Variants in SEPSECS observed in about 807,000 individuals in gnomAD.
SEPSECS encodes O-phosphoseryl-tRNA(Sec) selenium transferase.
In SEPSECS, 42 loss-of-function variants were observed where a neutral mutation model predicts 52.1. The observed-to-expected ratio is 0.81, with a 90% CI of 0.63 to 1.04. The LOEUF (loss-of-function observed/expected upper bound fraction) is 1.04, where lower values mean the gene tolerates loss of function less well. SEPSECS is among the 50% of genes least tolerant of loss of function. The pLI is 0.00. For missense variants in SEPSECS, 590 were observed against 610.6 expected, an observed-to-expected ratio of 0.97 and a Z score of 0.36; for synonymous variants, 216 against 211.4, an observed-to-expected ratio of 1.02 and a Z score of -0.19.
At chr4:25,152,911 CAAGTA>C (rs1464732680) in intron 5 of SEPSECS, among the ~76,000 whole-genome samples, 7 of 151,918 alleles carry the variant, frequency 4.6e-5, no homozygotes, top group African/African-American at 1.7e-4. Flanking sequence ...CATTTTTATA[CAAGTA>C]AAGTCCTTTT....
chr4:25,149,682 GC>G (rs1712188147), intron 6 of SEPSECS, among the ~76,000 whole-genome samples: 1 of 152,078 alleles, frequency 6.6e-6, no homozygotes, highest in Non-Finnish European at 1.5e-5. Flanking sequence ...GAGAGAAGCT[GC>G]TAAAAATTAC....
chr4:25,134,368 C>T (rs1464391512), intron 8 of SEPSECS, among the ~76,000 whole-genome samples: 1 of 149,842 alleles, frequency 6.7e-6, no homozygotes, highest in Non-Finnish European at 1.5e-5. Context: ...AATTTGCTTT[C>T]TGACTAATTT....
In SEPSECS at chr4:25,152,045, A is replaced by G; in HGVS notation, c.719T>C (p.Val240Ala). 6.4e-7 allele frequency: 1 copy of G among 1,573,758 alleles called. No individual in the cohort carries two copies. The highest frequency in any genetic ancestry group is 8.7e-7 in the Non-Finnish European group (1 of 1,143,438). ...RVPDRLEELA[V>A]ICANYDIPHI... is the part of the protein sequence containing the mutation. The stretch of plus-strand genomic sequence containing the variant: ...TGGAATGTCATAATTAGCACAAATC[A>G]CAGCCAGTTCTTCTAATCTATAAAC... Residue 240 changes from valine to alanine, a missense_variant, in exon 6 of 11, where the codon GTG becomes GCG. Coordinates refer to ENST00000382103, the MANE Select transcript of SEPSECS (RefSeq NM_016955.4).
rs763128180 is a variant in SEPSECS, at chr4:25,159,114, A to AG, written c.115-8_115-7insC. On this transcript the variant is annotated splice_region_variant and splice_polypyrimidine_tract_variant and intron_variant, in intron 1 of 10. Coordinates refer to ENST00000382103, the MANE Select transcript of SEPSECS (RefSeq NM_016955.4). The stretch of plus-strand genomic sequence containing the variant: ...CATTCTCTGGACACTTGCCCTTAAA[A>AG]AAAAAAAAAAACTTATGATTATATT... The AG allele has an allele frequency of 2.5e-6, 4 of 1,568,784 alleles. No individual in the cohort carries two copies. The highest frequency in any genetic ancestry group is 1.4e-5 in the African/African-American group (1 of 71,862).
intron 6 of SEPSECS, among the ~76,000 whole-genome samples, chr4:25,148,536 A>G (rs1467538037): frequency 2.6e-5 from 4 of 152,198 alleles, no homozygotes; most frequent in South Asian, 2.1e-4. Context: ...ATTTAAATCA[A>G]TAGTGCCACA....
At chr4:25,127,500 T>C in intron 8 of SEPSECS, 143 bp from the exon 9 acceptor site, 1 of 655,506 alleles carries the variant, frequency 1.5e-6, no homozygotes, top group South Asian at 1.8e-5. Flanking sequence ...TTTGCCACAA[T>C]ACAGTGAAAT....
At chr4:25,129,637 C>G (rs1481856832) in intron 8 of SEPSECS, among the ~76,000 whole-genome samples, 3 of 151,762 alleles carry the variant, frequency 2.0e-5, no homozygotes, top group African/African-American at 7.3e-5. Flanking sequence ...GTGATCCACC[C>G]GCCTCGGCCT....
chr4:25,123,602 C>T lies in SEPSECS; in HGVS notation c.*329G>A. ...GGTAAAGAATGGTTAGGAGGAAGCACTCTACATTTCAAAGAGAATTGAAGT... is the reference window on the plus strand; with the variant it reads ...GGTAAAGAATGGTTAGGAGGAAGCATTCTACATTTCAAAGAGAATTGAAGT... On this transcript the variant is annotated 3_prime_UTR_variant, in exon 11 of 11. Coordinates refer to ENST00000382103, the MANE Select transcript of SEPSECS (RefSeq NM_016955.4). The T allele has an allele frequency of 3.2e-6, 1 of 316,648 alleles. No individual in the cohort carries two copies. The highest frequency in any genetic ancestry group is 6.0e-6 in the Non-Finnish European group (1 of 165,994). The allele number at this position is 316,648 out of a possible 1,614,324, so 19.6% of individuals were successfully genotyped here.
chr4:25,157,111 T>C (rs1460047903), intron 2 of SEPSECS, 137 bp from the exon 3 acceptor site: 1 of 705,152 alleles, frequency 1.4e-6, no homozygotes, highest in Non-Finnish European at 2.6e-6. Context: ...TCACAAACTA[T>C]TAATGATGTG....
At chr4:25,145,218 A>G in intron 6 of SEPSECS, 85 bp from the exon 7 acceptor site, 1 of 1,390,800 alleles carries the variant, frequency 7.2e-7, no homozygotes, top group Non-Finnish European at 1.0e-6. Context: ...AAAAAATTAT[A>G]ACTATTTGAG....
At chr4:25,138,796 C>A (rs775132640) in intron 8 of SEPSECS, among the ~76,000 whole-genome samples, 2 of 152,134 alleles carry the variant, frequency 1.3e-5, no homozygotes, top group Non-Finnish European at 2.9e-5. Flanking sequence ...TGAATCTGCA[C>A]CAAAATTCAT....
chr4:25,147,789 T>C (rs1712050305), intron 6 of SEPSECS, among the ~76,000 whole-genome samples: 1 of 152,104 alleles, frequency 6.6e-6, no homozygotes, highest in Non-Finnish European at 1.5e-5. Flanking sequence ...GTTAAAACAA[T>C]AAAAATAAAA....
At position 25,134,124 on chromosome 4, in the gene SEPSECS, C is replaced by CAAA. The variant is rs34672005; in HGVS notation, c.1027-6770_1027-6768dup. Among the ~76,000 whole-genome samples, 52 of 13,176 alleles carry CAAA rather than the reference C, an allele frequency of 3.9e-3. 7 individuals carry two copies. Among genetic ancestry groups the CAAA allele is most frequent in the African/African-American group, 0.012 (42 of 3,594 alleles). The allele number at this position is 13,176 out of a possible 152,430, so 8.6% of individuals were successfully genotyped here. On this transcript the variant is annotated intron_variant, in intron 8 of 10. Transcript: ENST00000382103. ...TGGGTGACAGAATGAGACCCCATCT[C>CAAA]AAAAAAAAAAAAAAAAAAAAAAAAA... is the stretch of plus-strand genomic sequence containing the variant.
chr4:25,157,539 CTTT>C (rs143797424), intron 2 of SEPSECS, among the ~76,000 whole-genome samples: 2 of 137,186 alleles, frequency 1.5e-5, no homozygotes, highest in Non-Finnish European at 3.2e-5. Context: ...ATTAAATTAT[CTTT>C]TTTTTTTTTT....
At chr4:25,151,521 A>G (rs1712298227) in intron 6 of SEPSECS, among the ~76,000 whole-genome samples, 1 of 151,924 alleles carries the variant, frequency 6.6e-6, no homozygotes, top group Non-Finnish European at 1.5e-5. Flanking sequence ...CTGATGCTTA[A>G]AAAAAAATAC....
intron 9 of SEPSECS, 145 bp from the exon 10 acceptor site, chr4:25,125,929 G>A (rs891835245): frequency 7.4e-5 from 50 of 672,132 alleles, no homozygotes; most frequent in Non-Finnish European, 1.1e-4. Flanking sequence ...ATAAATCTTA[G>A]GGATTTGTTT....
At chr4:25,144,716 T>C (rs1711848307) in intron 8 of SEPSECS, 58 bp downstream of exon 8, 7 of 1,225,072 alleles carry the variant, frequency 5.7e-6, no homozygotes, top group Non-Finnish European at 8.5e-6. Context: ...AAAACACCAA[T>C]GATTTGGAGC....
At chr4:25,157,228 C>T (rs1380582975) in intron 2 of SEPSECS, among the ~76,000 whole-genome samples, 2 of 152,210 alleles carry the variant, frequency 1.3e-5, no homozygotes, top group African/African-American at 4.8e-5. Context: ...ACATGCTACT[C>T]CCACACCAAG....
intron 6 of SEPSECS, among the ~76,000 whole-genome samples, chr4:25,146,510 T>A (rs1711974414): frequency 6.6e-6 from 1 of 152,002 alleles, no homozygotes; most frequent in African/African-American, 2.4e-5. Context: ...TAGCAGCATA[T>A]AAAGATAAGT....
Sources: gnomAD v4.1 joint callset for allele counts (sites outside exome capture counted in the v4.1 genomes callset) on GRCh38, gnomAD v4.1.1 for gene constraint, MANE v1.5 for transcripts, NCBI Gene and HGNC (gene_info 2026-07-23, HGNC 2026-07-21) for gene names.